The following DPYSL5 variants were observed in gnomAD, a reference collection of about 807,000 sequenced individuals.
DPYSL5 encodes dihydropyrimidinase like 5.
DPYSL5 carries 9 observed loss-of-function variants against 58.4 expected under a neutral mutation model. That is an observed-to-expected ratio of 0.15 (90% confidence interval 0.09 to 0.27). The LOEUF is 0.27. Among genes scored for constraint, DPYSL5 ranks in the 10% least tolerant of loss-of-function variants. The pLI is 1.00. For missense variants in DPYSL5, 499 were observed against 770.6 expected (o/e 0.65, Z 4.17); for synonymous variants, 293 against 301.9 (o/e 0.97, Z 0.31).
chr2:26,892,092 C>T (rs896384762), intron 1 of DPYSL5, among the ~76,000 whole-genome samples: 4 of 152,216 alleles, frequency 2.6e-5, no homozygotes, highest in African/African-American at 7.2e-5. Context: ...AAACCTTCTA[C>T]CCAGAGTTAA....
chr2:26,882,908 T>C (rs1572686018), intron 1 of DPYSL5, among the ~76,000 whole-genome samples: 2 of 100,130 alleles, frequency 2.0e-5, no homozygotes, highest in African/African-American at 7.6e-5. Flanking sequence ...GAGACTATCT[T>C]AAAAAAAAAA....
Position 26,942,893 on chromosome 2 carries a change from T to C in DPYSL5, c.1440+143T>C, listed in dbSNP as rs1483228599. 2.1e-6 allele frequency: 2 copies of C among 952,616 alleles called. No homozygotes were observed. The highest frequency in any genetic ancestry group is 5.4e-5 in the Admixed American group (2 of 36,972). 59.0% of individuals were successfully genotyped at this position (952,616 alleles called of 1,614,324 possible). On this transcript the variant is annotated intron_variant, in intron 11 of 12. Transcript: ENST00000288699. This position sits in a 1 kb window ranked among gnomAD's most constrained non-coding sequence, Gnocchi z 5.9. ...ACTTTCTCCAGCGTTGAGAGGGGAGTGTGCGGCAGCGCCAGGGAACGCTAG... is the reference window on the plus strand; with the variant it reads ...ACTTTCTCCAGCGTTGAGAGGGGAGCGTGCGGCAGCGCCAGGGAACGCTAG...
chr2:26,928,560 T>G (rs777244928), intron 5 of DPYSL5, among the ~76,000 whole-genome samples: 5 of 150,394 alleles, frequency 3.3e-5, no homozygotes, highest in African/African-American at 1.2e-4. Flanking sequence ...TAGCTGGGCA[T>G]AGTGGTGCAT....
intron 1 of DPYSL5, among the ~76,000 whole-genome samples, chr2:26,872,793 C>CGAGA (rs1663300365): frequency 6.9e-6 from 1 of 145,580 alleles, no homozygotes; most frequent in African/African-American, 2.5e-5. Context: ...TGGGCAACAG[C>CGAGA]GAGACTCTGT....
intron 2 of DPYSL5, among the ~76,000 whole-genome samples, chr2:26,901,587 C>G (rs1572696990): frequency 6.6e-6 from 1 of 152,284 alleles, no homozygotes; most frequent in East Asian, 1.9e-4. Flanking sequence ...CCGCCGCTGA[C>G]CTACTTAGTA....
rs897964744 is a variant in DPYSL5, at chr2:26,849,304, G to A, written c.-5+1050G>A. Among the ~76,000 whole-genome samples, 3 of 151,956 alleles carry A rather than the reference G, an allele frequency of 2.0e-5. No individual in the cohort carries two copies. Among genetic ancestry groups the A allele is most frequent in the Non-Finnish European group, 4.4e-5 (3 of 67,944 alleles). ...CGGGAGCGAGGAGAAGACCCGCGCT[G>A]TGCGGGGGAGGGGGGCCTCCTGGGA... On this transcript the variant is annotated intron_variant, in intron 1 of 12. Coordinates refer to ENST00000288699, the MANE Select transcript of DPYSL5 (RefSeq NM_020134.4). The surrounding 1 kb of genome is among the most constrained non-coding windows in gnomAD (Gnocchi z 6.2).
At chr2:26,859,831 G>A (rs546948404) in intron 1 of DPYSL5, among the ~76,000 whole-genome samples, 1 of 152,316 alleles carries the variant, frequency 6.6e-6, no homozygotes, top group East Asian at 1.9e-4. Context: ...CCTGGCAAGG[G>A]AGAGAGAGGT....
chr2:26,901,152 C>T (rs1664146284), intron 2 of DPYSL5, among the ~76,000 whole-genome samples: 1 of 152,156 alleles, frequency 6.6e-6, no homozygotes, highest in Non-Finnish European at 1.5e-5. Context: ...CAGGCTGCCT[C>T]AGGAGCCCCA....
chr2:26,892,122 C>A (rs1316218346), intron 1 of DPYSL5, among the ~76,000 whole-genome samples: 1 of 152,222 alleles, frequency 6.6e-6, no homozygotes, highest in Non-Finnish European at 1.5e-5. Context: ...GTCAGATAGA[C>A]CTAAATCTGA....
chr2:26,943,332 C>T (rs912654798), intron 11 of DPYSL5, among the ~76,000 whole-genome samples: 1 of 152,210 alleles, frequency 6.6e-6, no homozygotes, highest in African/African-American at 2.4e-5. Flanking sequence ...GGAGCGCAGG[C>T]TTGGGCTGCC....
intron 2 of DPYSL5, among the ~76,000 whole-genome samples, chr2:26,903,516 T>A (rs912128153): frequency 6.6e-6 from 1 of 152,152 alleles, no homozygotes; most frequent in Non-Finnish European, 1.5e-5. Flanking sequence ...CCCAGCCCAG[T>A]TGACTCTAGG....
intron 6 of DPYSL5, among the ~76,000 whole-genome samples, chr2:26,932,195 GAAA>G (rs1665041801): frequency 2.5e-5 from 2 of 78,462 alleles, no homozygotes; most frequent in Non-Finnish European, 5.6e-5. Context: ...AAGAAAGAAA[GAAA>G]GAAAGAAAGA....
chr2:26,868,059 GAT>G (rs1390174312), intron 1 of DPYSL5, among the ~76,000 whole-genome samples: 1 of 152,174 alleles, frequency 6.6e-6, no homozygotes, highest in Non-Finnish European at 1.5e-5. Context: ...GATGTAAAGT[GAT>G]ACCTCATTGT....
intron 8 of DPYSL5, chr2:26,939,434 C>G (rs148748516): frequency 1.3e-5 from 2 of 152,532 alleles, no homozygotes; most frequent in Non-Finnish European, 2.9e-5. Context: ...GCACCTGGCC[C>G]GAGGACAGCC....
intron 1 of DPYSL5, among the ~76,000 whole-genome samples, chr2:26,855,811 C>A (rs967548599): frequency 6.6e-6 from 1 of 152,154 alleles, no homozygotes; most frequent in African/African-American, 2.4e-5. Context: ...AGAGCAAGAT[C>A]CACTATTGAT....
chr2:26,930,636 A>G (rs1445897850), intron 5 of DPYSL5, among the ~76,000 whole-genome samples: 1 of 151,994 alleles, frequency 6.6e-6, no homozygotes, highest in East Asian at 1.9e-4. Flanking sequence ...CAGCCTGGGC[A>G]ATAAAGGGAG....
chr2:26,879,460 GAAAAAAA>G (rs748100269), intron 1 of DPYSL5, among the ~76,000 whole-genome samples: 5 of 74,362 alleles, frequency 6.7e-5, no homozygotes, highest in Admixed American at 5.5e-4. Context: ...ATCTCTATTT[GAAAAAAA>G]AAAAAAAAAA....
chr2:26,945,932 G>C (rs1254009270), intron 12 of DPYSL5, among the ~76,000 whole-genome samples: 2 of 152,222 alleles, frequency 1.3e-5, no homozygotes. Context: ...GCTTGTGGCA[G>C]AAGAGATGAG....
intron 1 of DPYSL5, among the ~76,000 whole-genome samples, chr2:26,861,333 G>A (rs1352468719): frequency 6.6e-6 from 1 of 152,204 alleles, no homozygotes; most frequent in South Asian, 2.1e-4. Context: ...CACAGAAGAT[G>A]AGAAGCACTA....
Sources: allele counts gnomAD v4.1 joint callset (sites outside exome capture counted in the v4.1 genomes callset), GRCh38; gene constraint gnomAD v4.1.1; non-coding constraint Gnocchi (gnomAD v3.1); transcripts MANE v1.5; gene names NCBI Gene and HGNC (gene_info 2026-07-23, HGNC 2026-07-21).